The following TMEM164 variants were observed in gnomAD, a reference collection of about 807,000 sequenced individuals.
TMEM164 encodes the protein transmembrane protein 164.
In TMEM164, 4 loss-of-function variants were observed where a neutral mutation model predicts 18.8. That is an observed-to-expected ratio of 0.21 (90% CI 0.10 to 0.49). TMEM164 has a LOEUF of 0.49. Among genes scored for constraint, TMEM164 ranks in the 20% least tolerant of loss-of-function variants. The pLI is 0.98. For missense variants in TMEM164, 108 were observed against 239.9 expected (o/e 0.45, Z 3.63); for synonymous variants, 86 against 101.7 (o/e 0.85, Z 0.93).
intron 2 of TMEM164, among the ~76,000 whole-genome samples, chrX:110,052,094 T>G (rs1935588566): frequency 9.0e-6 from 1 of 111,359 alleles, no homozygotes; most frequent in Admixed American, 9.5e-5. Flanking sequence ...TTTTTTTTCC[T>G]TAATATCTTA....
chrX:110,143,749 G>A (rs1304488249), intron 4 of TMEM164, among the ~76,000 whole-genome samples: 1 of 110,059 alleles, frequency 9.1e-6, no homozygotes, highest in Non-Finnish European at 1.9e-5. Context: ...GTGGGGAACA[G>A]GGAGGCAGCT....
intron 3 of TMEM164, among the ~76,000 whole-genome samples, chrX:110,108,114 G>GTGTGTA (rs2066236801): frequency 9.6e-6 from 1 of 104,710 alleles, no homozygotes; most frequent in Non-Finnish European, 2.0e-5. Context: ...GTGTGTGTGT[G>GTGTGTA]TGTGTGTGTG....
intron 2 of TMEM164, among the ~76,000 whole-genome samples, chrX:110,053,071 A>G (rs1374573215): frequency 9.0e-6 from 1 of 111,661 alleles, no homozygotes; most frequent in African/African-American, 3.3e-5. Flanking sequence ...ATTTTTTAAA[A>G]CAGTGATTAA....
At chrX:110,086,145 A>G (rs1602595388) in intron 3 of TMEM164, among the ~76,000 whole-genome samples, 1 of 112,226 alleles carries the variant, frequency 8.9e-6, no homozygotes, top group East Asian at 2.8e-4. Context: ...GTTGGCCATC[A>G]GTTTAAGTTT....
chrX:110,020,080 C>T (rs1031251135), intron 2 of TMEM164, among the ~76,000 whole-genome samples: 3 of 112,204 alleles, frequency 2.7e-5, no homozygotes, highest in East Asian at 2.8e-4. Flanking sequence ...GCCTCTAAGC[C>T]GGATTTAGCC....
rs56400284 is a variant in TMEM164 at position 110,044,593 on chromosome X, C to CT, written c.391-22725dup. On this transcript the variant is annotated intron_variant, in intron 2 of 6. Coordinates refer to ENST00000372068, the MANE Select transcript of TMEM164 (RefSeq NM_032227.4). ...TAGCGGGGACTGCCACCATTCCTTG[C>CT]TTTTTTTTTTTTTTTTTTTTTTTTT... 5.3e-4 allele frequency among the ~76,000 whole-genome samples: 19 copies of CT among 35,957 alleles called. 1 individual carries two copies. Among genetic ancestry groups the CT allele is most frequent in the African/African-American group, 1.5e-3 (13 of 8,569 alleles). The allele number at this position is 35,957 out of a possible 115,157, so 31.2% of individuals were successfully genotyped here.
chrX:110,031,295 C>T (rs1432198589), intron 2 of TMEM164, among the ~76,000 whole-genome samples: 1 of 111,690 alleles, frequency 9.0e-6, no homozygotes, highest in Non-Finnish European at 1.9e-5. Context: ...TTTCTTTATC[C>T]AGTCTATCAT....
intron 2 of TMEM164, among the ~76,000 whole-genome samples, chrX:110,038,245 C>T (rs1490744849): frequency 1.8e-5 from 2 of 111,106 alleles, no homozygotes; most frequent in Non-Finnish European, 3.8e-5. Flanking sequence ...CCCGCCTCGG[C>T]CTCCCAAAGT....
At chrX:110,154,512 C>T (rs995279291) in intron 5 of TMEM164, among the ~76,000 whole-genome samples, 1 of 111,008 alleles carries the variant, frequency 9.0e-6, no homozygotes, top group Admixed American at 9.6e-5. Context: ...CTCTGCTTCT[C>T]GGGTTCAATC....
chrX:110,121,380 G>A (rs902106870), intron 4 of TMEM164, among the ~76,000 whole-genome samples: 1 of 111,763 alleles, frequency 8.9e-6, no homozygotes, highest in African/African-American at 3.3e-5. Context: ...CTGGACCCAG[G>A]AAACCACTAA....
chrX:110,087,504 G>C (rs947199334), intron 3 of TMEM164, among the ~76,000 whole-genome samples: 20 of 111,558 alleles, frequency 1.8e-4, no homozygotes, highest in African/African-American at 6.2e-4. Context: ...CAGAGATTAA[G>C]GTTTTCCAGG....
At chrX:110,067,316 C>G (rs1411702666) in intron 2 of TMEM164, 31 bp from the exon 3 acceptor site, 2 of 1,201,681 alleles carry the variant, frequency 1.7e-6, no homozygotes, top group Non-Finnish European at 2.3e-6. Flanking sequence ...TTTTTTCTTG[C>G]TAACCATTCT....
intron 2 of TMEM164, among the ~76,000 whole-genome samples, chrX:110,010,577 C>T (rs770605844): frequency 8.9e-6 from 1 of 112,098 alleles, no homozygotes; most frequent in South Asian, 3.7e-4. Context: ...CATTTATACT[C>T]GCTCTTGGGT....
At chrX:110,067,898 A>G (rs1023136265) in intron 3 of TMEM164, among the ~76,000 whole-genome samples, 1 of 112,784 alleles carries the variant, frequency 8.9e-6, no homozygotes, top group African/African-American at 3.2e-5. Flanking sequence ...CATCAAATCT[A>G]TTAAAGTATA....
intron 4 of TMEM164, among the ~76,000 whole-genome samples, chrX:110,122,313 A>G (rs1208369481): frequency 1.9e-5 from 2 of 107,958 alleles, no homozygotes; most frequent in Non-Finnish European, 3.8e-5. Flanking sequence ...TTCTCAGTAA[A>G]CTATCGCAAG....
At chrX:110,118,856 T>C (rs1381434625) in intron 4 of TMEM164, among the ~76,000 whole-genome samples, 6 of 111,836 alleles carry the variant, frequency 5.4e-5, no homozygotes, top group African/African-American at 1.3e-4. Context: ...GAAAGCCCCA[T>C]TGGAGCTGAG....
chrX:110,017,475 C>T (rs867870399), intron 2 of TMEM164, among the ~76,000 whole-genome samples: 116 of 23,458 alleles, frequency 4.9e-3, no homozygotes, highest in African/African-American at 0.01. Context: ...TCTTTCCTTC[C>T]CTCCCTCCCT....
Position 110,141,246 on chromosome X carries a change from T to A in TMEM164, c.508-3552T>A, listed in dbSNP as rs763790569. 3.6e-5 allele frequency among the ~76,000 whole-genome samples: 4 copies of A among 112,434 alleles called. No individual in the cohort carries two copies. The South Asian group carries it at 1.5e-3, about 42-fold the overall frequency. On this transcript the variant is annotated intron_variant, in intron 4 of 6. Coordinates refer to ENST00000372068, the MANE Select transcript of TMEM164 (RefSeq NM_032227.4). ...GCTGTTTCTTTGGATGTTATTTAATTTCTCTGTGCCTTAGTTTCCTGTATG... is the reference window on the plus strand; with the variant it reads ...GCTGTTTCTTTGGATGTTATTTAATATCTCTGTGCCTTAGTTTCCTGTATG...
chrX:110,019,646 T>C, intron 2 of TMEM164, among the ~76,000 whole-genome samples: 1 of 112,255 alleles, frequency 8.9e-6, no homozygotes, highest in Non-Finnish European at 1.9e-5. Flanking sequence ...ATATTGTCCC[T>C]GGCCGACTGT....
Sources: allele counts gnomAD v4.1 joint callset (sites outside exome capture counted in the v4.1 genomes callset), GRCh38; gene constraint gnomAD v4.1.1; transcripts MANE v1.5; gene names NCBI Gene and HGNC (gene_info 2026-07-23, HGNC 2026-07-21).